The following MINDY3 variants were observed in gnomAD, a reference collection of about 807,000 sequenced individuals.
MINDY3 encodes the protein MINDY lysine 48 deubiquitinase 3, also known as ubiquitin carboxyl-terminal hydrolase MINDY-3.
In MINDY3, 38 loss-of-function variants were observed where a neutral mutation model predicts 69.2. That is an observed-to-expected ratio of 0.55 (90% CI 0.42 to 0.72). MINDY3 has a LOEUF of 0.72. Ranked by LOEUF, MINDY3 falls within the 30% of genes least tolerant of loss-of-function variation. MINDY3 has a pLI of 0.00. For synonymous variants in MINDY3, 192 were observed against 180.1 expected (o/e 1.07, Z -0.53); for missense variants, 522 against 519.0 (o/e 1.01, Z -0.06).
At chr10:15,843,996 G>A (rs770025158) in intron 2 of MINDY3, among the ~76,000 whole-genome samples, 2 of 152,066 alleles carry the variant, frequency 1.3e-5, no homozygotes, top group African/African-American at 4.8e-5. Flanking sequence ...TTACAATGAC[G>A]ACTTTTCCTC....
intron 10 of MINDY3, among the ~76,000 whole-genome samples, chr10:15,799,911 T>C (rs1047092004): frequency 1.2e-4 from 19 of 152,150 alleles, no homozygotes; most frequent in Admixed American, 3.3e-4. Context: ...AATAGAATAT[T>C]AGTGTTAGAC....
chr10:15,814,256 G>GA (rs757802084), intron 10 of MINDY3, among the ~76,000 whole-genome samples: 19 of 151,806 alleles, frequency 1.3e-4, no homozygotes, highest in Non-Finnish European at 2.5e-4. Flanking sequence ...ATTTCAAGGG[G>GA]AAAAAACAAC....
At chr10:15,831,683 T>C (rs1460162599) in intron 8 of MINDY3, among the ~76,000 whole-genome samples, 1 of 149,644 alleles carries the variant, frequency 6.7e-6, no homozygotes, top group Non-Finnish European at 1.5e-5. Context: ...CTTTTTTTTT[T>C]TTTTTTTTTT....
At position 15,838,678 on chromosome 10, in the gene MINDY3, TA is replaced by T. The variant is rs1448996529; in HGVS notation, c.410-400del. ...CTTCCTTTTTATAATATAAAATCTT[TA>T]GGTTTAAGGCTTAATTATTAAACAA... On this transcript the variant is annotated intron_variant, in intron 4 of 14. Coordinates refer to ENST00000277632, the MANE Select transcript of MINDY3 (RefSeq NM_024948.4). Among the ~76,000 whole-genome samples the T allele has an allele frequency of 2.0e-5, 3 of 151,848 alleles. No homozygotes were observed. In the East Asian group the frequency reaches 5.8e-4, roughly 29 times the overall value.
chr10:15,826,369 G>A (rs1230834098), intron 8 of MINDY3, among the ~76,000 whole-genome samples: 4 of 152,056 alleles, frequency 2.6e-5, no homozygotes, highest in Admixed American at 6.6e-5. Flanking sequence ...AGCAAAAGAT[G>A]GTTTCAAAAA....
At chr10:15,787,197 G>A (rs1403357441) in intron 12 of MINDY3, among the ~76,000 whole-genome samples, 4 of 152,174 alleles carry the variant, frequency 2.6e-5, no homozygotes, top group East Asian at 1.9e-4. Context: ...GAGCTAATGC[G>A]TCATGAATGA....
At position 15,821,734 on chromosome 10, in the gene MINDY3, A is replaced by AAAC. The variant is rs200843384; in HGVS notation, c.731-11_731-9dup. ...CATGTATACCAAGAAGTTCTGCAAA[A>AAAC]AACAACAACAACAACAAAAAACGAA... is the stretch of plus-strand genomic sequence containing the variant. On this transcript the variant is annotated splice_polypyrimidine_tract_variant and intron_variant, in intron 8 of 14. Transcript: ENST00000277632. The AAAC allele has an allele frequency of 6.8e-6, 11 of 1,608,538 alleles. No homozygotes were observed. Among genetic ancestry groups the AAAC allele is most frequent in the South Asian group, 5.6e-5 (5 of 89,838 alleles).
At chr10:15,837,548 G>A in intron 5 of MINDY3, 2 of 1,421,040 alleles carry the variant, frequency 1.4e-6, no homozygotes, top group South Asian at 2.5e-5. Flanking sequence ...CTACTTGGCA[G>A]GGAACCTCTT....
In MINDY3 at chr10:15,822,914, TA is replaced by T. The variant is rs1304463604; in HGVS notation, c.731-1189del. 3.3e-5 allele frequency among the ~76,000 whole-genome samples: 5 copies of T among 152,180 alleles called. No individual in the cohort carries two copies. In the East Asian group the frequency reaches 9.6e-4, roughly 29 times the overall value. On this transcript the variant is annotated intron_variant, in intron 8 of 14. Coordinates refer to ENST00000277632, the MANE Select transcript of MINDY3 (RefSeq NM_024948.4). The stretch of plus-strand genomic sequence containing the variant: ...TAATATAATAATATATTTGGGTCCA[TA>T]ATATATCTAAAAAGCATTTCTTTCT...
intron 9 of MINDY3, among the ~76,000 whole-genome samples, chr10:15,819,142 A>C (rs1347339154): frequency 6.6e-6 from 1 of 152,196 alleles, no homozygotes; most frequent in Non-Finnish European, 1.5e-5. Flanking sequence ...TGTATAATCA[A>C]AATGATATTG....
At chr10:15,845,522 C>G (rs898575381) in intron 2 of MINDY3, among the ~76,000 whole-genome samples, 3 of 151,924 alleles carry the variant, frequency 2.0e-5, no homozygotes, top group Non-Finnish European at 4.4e-5. Context: ...TTTTTAGAAA[C>G]AGGGTCTCCC....
At chr10:15,843,127 T>C (rs1335205746) in intron 3 of MINDY3, 85 bp downstream of exon 3, 5 of 1,119,400 alleles carry the variant, frequency 4.5e-6, no homozygotes, top group Non-Finnish European at 6.6e-6. Flanking sequence ...AAATTCCCAC[T>C]GATACTTGAC....
intron 3 of MINDY3, among the ~76,000 whole-genome samples, chr10:15,842,705 G>A (rs1833558403): frequency 6.6e-6 from 1 of 151,730 alleles, no homozygotes; most frequent in South Asian, 2.1e-4. Flanking sequence ...CTGTCACGTG[G>A]AATGCAAATT....
At chr10:15,783,350 CTTT>C (rs1315178476) in intron 13 of MINDY3, among the ~76,000 whole-genome samples, 1 of 152,128 alleles carries the variant, frequency 6.6e-6, no homozygotes, top group East Asian at 1.9e-4. Flanking sequence ...CTTAATCTAC[CTTT>C]TTAGTCTTAT....
chr10:15,790,638 T>C (rs976808699), intron 11 of MINDY3, among the ~76,000 whole-genome samples: 6 of 152,170 alleles, frequency 3.9e-5, no homozygotes, highest in Non-Finnish European at 8.8e-5. Context: ...TTATAGGCTA[T>C]ATCCATTTGA....
intron 11 of MINDY3, among the ~76,000 whole-genome samples, chr10:15,795,047 A>T (rs191689532): frequency 0.016 from 2,438 of 152,144 alleles, 71 homozygotes; most frequent in African/African-American, 0.055. Context: ...AAAACAAAAC[A>T]CAACACAACA....
At chr10:15,847,757 T>C (rs1342719907) in intron 2 of MINDY3, 107 bp downstream of exon 2, 8 of 658,086 alleles carry the variant, frequency 1.2e-5, no homozygotes, top group South Asian at 9.6e-5. Flanking sequence ...TAAGAGTTAA[T>C]TGATTATGTC....
chr10:15,800,384 G>A (rs1422121148), intron 10 of MINDY3, among the ~76,000 whole-genome samples: 1 of 152,058 alleles, frequency 6.6e-6, no homozygotes, highest in Non-Finnish European at 1.5e-5. Context: ...ATTAACTTTA[G>A]TGCATACTGT....
chr10:15,843,087 A>T (rs1833593394), intron 3 of MINDY3, 125 bp downstream of exon 3: 1 of 784,046 alleles, frequency 1.3e-6, no homozygotes, highest in East Asian at 2.5e-5. Flanking sequence ...AAACTTTCTA[A>T]AACATTTTAA....
Sources: gnomAD v4.1 joint callset for allele counts (sites outside exome capture counted in the v4.1 genomes callset) on GRCh38, gnomAD v4.1.1 for gene constraint, MANE v1.5 for transcripts, NCBI Gene and HGNC (gene_info 2026-07-23, HGNC 2026-07-21) for gene names.